The following SLC26A5 variants were observed in gnomAD, a reference collection of about 807,000 sequenced individuals.
SLC26A5 encodes prestin.
In SLC26A5, 51 loss-of-function variants were observed where a neutral mutation model predicts 81.0. The ratio of observed to expected loss-of-function variants is 0.63; its 90% CI spans 0.50 to 0.80. The LOEUF is 0.80. SLC26A5 is among the 30% of genes least tolerant of loss of function. The probability of loss-of-function intolerance (pLI) is 0.00; values close to 1 mark genes in which losing one functional copy is unlikely to be tolerated. For missense variants in SLC26A5, 771 were observed against 905.8 expected (o/e 0.85, Z 1.91); for synonymous variants, 325 against 332.8 (o/e 0.98, Z 0.25).
chr7:103,407,838 G>C lies in SLC26A5; in HGVS notation c.888+13C>G, dbSNP rs549610962. ...GTAGAAGCCGAGTAGGTCACTGACC[G>C]AAGGTGACTTACCGCAAAGAACTCT... On this transcript the variant is annotated intron_variant, in intron 8 of 19. Transcript: ENST00000306312. 5 of 1,613,832 alleles carry C rather than the reference G, an allele frequency of 3.1e-6. No homozygotes were observed. The South Asian group carries it at 4.4e-5, about 14-fold the overall frequency.
intron 10 of SLC26A5, 34 bp from the exon 11 acceptor site, chr7:103,391,769 A>G (rs773087418): frequency 6.4e-7 from 1 of 1,557,466 alleles, no homozygotes; most frequent in African/African-American, 1.4e-5. Context: ...CAAAAGAGAT[A>G]GGTCATTCTT....
At chr7:103,355,778 C>A in intron 19 of SLC26A5, 1 of 1,613,576 alleles carries the variant, frequency 6.2e-7, no homozygotes, top group Non-Finnish European at 8.5e-7. Flanking sequence ...AGTGAACAGC[C>A]TTTACAGGTT....
At chr7:103,432,978 C>T (rs1012609139) in intron 2 of SLC26A5, among the ~76,000 whole-genome samples, 24 of 151,992 alleles carry the variant, frequency 1.6e-4, no homozygotes, top group Admixed American at 3.9e-4. Flanking sequence ...AGGCACAGGC[C>T]CAGGGTTTTG....
intron 19 of SLC26A5, among the ~76,000 whole-genome samples, chr7:103,357,569 T>C (rs1161550700): frequency 6.6e-6 from 1 of 152,214 alleles, no homozygotes; most frequent in Non-Finnish European, 1.5e-5. Flanking sequence ...TTTTGTTTCC[T>C]CTGCCTTCAC....
intron 18 of SLC26A5, among the ~76,000 whole-genome samples, chr7:103,377,254 T>A (rs1821419960): frequency 6.6e-6 from 1 of 152,200 alleles, no homozygotes; most frequent in Non-Finnish European, 1.5e-5. Context: ...GCCTAGCATA[T>A]TACAGTAATG....
intron 18 of SLC26A5, 80 bp from the exon 19 acceptor site, chr7:103,376,942 G>C: frequency 1.1e-6 from 1 of 940,892 alleles, no homozygotes; most frequent in Non-Finnish European, 1.7e-6. Flanking sequence ...TGTTTTTCGT[G>C]ATAGAAGACA....
intron 19 of SLC26A5, chr7:103,354,751 A>C: frequency 1.2e-5 from 8 of 661,156 alleles, no homozygotes; most frequent in Non-Finnish European, 2.1e-5. Context: ...TCTCTACTTC[A>C]CAAGCTTTGG....
downstream of SLC26A5, among the ~76,000 whole-genome samples, chr7:103,372,687 T>C (rs955543310): frequency 6.6e-6 from 1 of 152,190 alleles, no homozygotes; most frequent in African/African-American, 2.4e-5. Context: ...ATTTAAGTTA[T>C]ATGTGGGGGT....
chr7:103,421,439 G>T lies in SLC26A5; in HGVS notation c.76C>A (p.Pro26Thr), dbSNP rs1210302390. 2.5e-6 allele frequency: 4 copies of T among 1,613,900 alleles called. No homozygotes were observed. The Admixed American group carries it at 5.0e-5, about 20-fold the overall frequency. Reference sequence around the variant, plus strand: ...GTGTGTAGTCTTTCCTGGAGGACCGGATGACTAAAGATAGGCCTTTCCACA... The same window carrying T: ...GTGTGTAGTCTTTCCTGGAGGACCGTATGACTAAAGATAGGCCTTTCCACA... ...YYVERPIFSH[P>T]VLQERLHTKD... Residue 26 changes from proline to threonine, a missense_variant, in exon 3 of 20, where the codon CCG becomes ACG. Physicochemically the swap from Pro to Thr is conservative, Grantham distance 38. Transcript: ENST00000306312.
intron 2 of SLC26A5, among the ~76,000 whole-genome samples, chr7:103,435,473 G>C (rs112384893): frequency 2.0e-5 from 3 of 152,156 alleles, no homozygotes; most frequent in Non-Finnish European, 2.9e-5. Context: ...TTCCCTGAAC[G>C]AAATGAACAT....
Sources: gnomAD v4.1 joint callset for allele counts (sites outside exome capture counted in the v4.1 genomes callset) on GRCh38, gnomAD v4.1.1 for gene constraint, MANE v1.5 for transcripts, NCBI Gene and HGNC (gene_info 2026-07-23, HGNC 2026-07-21) for gene names.